CACHD1: variants seen among roughly 807,000 people sequenced by gnomAD.
The protein encoded by CACHD1 is VWFA and cache domain-containing protein 1.
A neutral mutation model predicts 138.7 loss-of-function variants in CACHD1; 71 were observed. The ratio of observed to expected loss-of-function variants is 0.51; its 90% CI spans 0.42 to 0.62. CACHD1 has a LOEUF of 0.62. Among genes scored for constraint, CACHD1 ranks in the 20% least tolerant of loss-of-function variants. The pLI is 0.00. For missense variants in CACHD1, 1,389 were observed against 1,625.3 expected (o/e 0.85, Z 2.50); for synonymous variants, 578 against 591.5 (o/e 0.98, Z 0.33).
chr1:64,547,547 A>G (rs1244824111), intron 1 of CACHD1, among the ~76,000 whole-genome samples: 1 of 152,084 alleles, frequency 6.6e-6, no homozygotes, highest in Non-Finnish European at 1.5e-5. Context: ...TTGTATTTTT[A>G]ATAGAAACGG....
intron 1 of CACHD1, among the ~76,000 whole-genome samples, chr1:64,542,148 T>C (rs746761574): frequency 2.0e-5 from 3 of 152,218 alleles, no homozygotes; most frequent in East Asian, 1.9e-4. Context: ...AAATGAGTTA[T>C]GTAAAGCACT....
chr1:64,642,229 G>A (rs965794186), intron 8 of CACHD1, among the ~76,000 whole-genome samples: 12 of 152,152 alleles, frequency 7.9e-5, no homozygotes, highest in African/African-American at 2.7e-4. Context: ...TTTATACAGC[G>A]TCCCCCTGCC....
At chr1:64,508,398 G>A (rs1646393466) in intron 1 of CACHD1, among the ~76,000 whole-genome samples, 1 of 152,192 alleles carries the variant, frequency 6.6e-6, no homozygotes, top group Non-Finnish European at 1.5e-5. Context: ...GTGTGAAGGT[G>A]GGTGAGAGCT....
At chr1:64,525,538 A>C (rs1646531885) in intron 1 of CACHD1, among the ~76,000 whole-genome samples, 1 of 152,188 alleles carries the variant, frequency 6.6e-6, no homozygotes, top group African/African-American at 2.4e-5. Context: ...CTGATGATCA[A>C]ATACAGTAAC....
chr1:64,567,409 C>T (rs1226976841), intron 2 of CACHD1, among the ~76,000 whole-genome samples: 1 of 151,994 alleles, frequency 6.6e-6, no homozygotes, highest in Non-Finnish European at 1.5e-5. Context: ...AGAATTAGTA[C>T]ACATATAAAT....
chr1:64,562,309 T>G (rs1014437772), intron 2 of CACHD1, among the ~76,000 whole-genome samples: 1 of 151,788 alleles, frequency 6.6e-6, no homozygotes, highest in Non-Finnish European at 1.5e-5. Flanking sequence ...TTTTGATATT[T>G]TACTACAAAT....
intron 1 of CACHD1, among the ~76,000 whole-genome samples, chr1:64,533,235 A>G (rs931850471): frequency 1.3e-5 from 2 of 152,240 alleles, no homozygotes; most frequent in African/African-American, 4.8e-5. Flanking sequence ...GCAGGCCTAT[A>G]GCCCCAGCTA....
At position 64,646,822 on chromosome 1, in the gene CACHD1, C is replaced by T. The variant is rs373963307; in HGVS notation, c.1157-979C>T. Among the ~76,000 whole-genome samples, 48 of 152,284 alleles carry T rather than the reference C, an allele frequency of 3.2e-4. No individual in the cohort carries two copies. The South Asian group carries it at 6.4e-3, about 20-fold the overall frequency. On this transcript the variant is annotated intron_variant, in intron 8 of 26. Coordinates refer to ENST00000651257, the MANE Select transcript of CACHD1 (RefSeq NM_020925.4). ...ACTTCCAGTGCTACAAGTATGTACA[C>T]TCTCTATGTAGAAATGCTAAAGACA... is the stretch of plus-strand genomic sequence containing the variant.
At position 64,492,170 on chromosome 1, in the gene CACHD1, C is replaced by T. The variant is rs921741542; in HGVS notation, c.198+21228C>T. 1.6e-4 allele frequency among the ~76,000 whole-genome samples: 24 copies of T among 151,020 alleles called. No homozygotes were observed. The East Asian group carries it at 4.6e-3, about 29-fold the overall frequency. The stretch of plus-strand genomic sequence containing the variant: ...AAAAGGTGAAGAAAAAAATTGTTTT[C>T]ATCTAGGTAGCATTATTCATTTGGG... On this transcript the variant is annotated intron_variant, in intron 1 of 26. Transcript: ENST00000651257.
intron 9 of CACHD1, 99 bp from the exon 10 acceptor site, chr1:64,652,062 A>T: frequency 9.5e-7 from 1 of 1,057,872 alleles, no homozygotes. Context: ...AAATTGAGAC[A>T]GCTGATAGAA....
At chr1:64,586,261 A>G (rs942624211) in intron 3 of CACHD1, among the ~76,000 whole-genome samples, 2 of 152,078 alleles carry the variant, frequency 1.3e-5, no homozygotes, top group Admixed American at 1.3e-4. Context: ...ATGGGGTTTC[A>G]CCATTTTGGC....
At chr1:64,573,200 C>T (rs905069937) in intron 2 of CACHD1, among the ~76,000 whole-genome samples, 5 of 152,010 alleles carry the variant, frequency 3.3e-5, no homozygotes, top group Admixed American at 1.3e-4. Flanking sequence ...TAGATGAGGC[C>T]GTGAGGGTGG....
chr1:64,613,610 A>T (rs1000663748), intron 4 of CACHD1: 5 of 152,178 alleles, frequency 3.3e-5, no homozygotes, highest in African/African-American at 1.2e-4. Flanking sequence ...ATTTTGTAGT[A>T]GTTGACATGT....
In CACHD1 at chr1:64,470,240, C is replaced by G. The variant is rs750161533; in HGVS notation, c.-505C>G. Among the ~76,000 whole-genome samples, 5 of 152,126 alleles carry G rather than the reference C, an allele frequency of 3.3e-5. No individual in the cohort carries two copies. Among genetic ancestry groups the G allele is most frequent in the Non-Finnish European group, 7.4e-5 (5 of 68,004 alleles). On this transcript the variant is annotated 5_prime_UTR_variant, in exon 1 of 27. Coordinates refer to ENST00000651257, the MANE Select transcript of CACHD1 (RefSeq NM_020925.4). This position sits in a 1 kb window ranked among gnomAD's most constrained non-coding sequence, Gnocchi z 5.2. ...TGTGGGTTTGTGAAGCCTCCCCTTT[C>G]CCTCCTCGCTCGGGTGGCTGCCCCA...
intron 1 of CACHD1, among the ~76,000 whole-genome samples, chr1:64,502,526 C>CTGTGTG (rs575452081): frequency 6.6e-6 from 1 of 152,006 alleles, no homozygotes; most frequent in Non-Finnish European, 1.5e-5. Flanking sequence ...TTCCCTCTCT[C>CTGTGTG]TGTGTGTGTA....
chr1:64,473,253 G>T (rs1646155992), intron 1 of CACHD1, among the ~76,000 whole-genome samples: 1 of 151,978 alleles, frequency 6.6e-6, no homozygotes, highest in Non-Finnish European at 1.5e-5. Flanking sequence ...GCTGTACATT[G>T]ATCTGCCACT....
intron 1 of CACHD1, among the ~76,000 whole-genome samples, chr1:64,479,190 G>A (rs1646195048): frequency 2.0e-5 from 3 of 152,178 alleles, no homozygotes. Context: ...AGAATGGATT[G>A]CTTTGAGATA....
intron 7 of CACHD1, among the ~76,000 whole-genome samples, chr1:64,639,555 AAG>A (rs1250393104): frequency 2.6e-5 from 4 of 152,236 alleles, no homozygotes; most frequent in African/African-American, 9.6e-5. Flanking sequence ...AGGAGTAAAT[AAG>A]AGGAATTTTG....
intron 2 of CACHD1, among the ~76,000 whole-genome samples, chr1:64,570,012 A>ACTC: frequency 6.6e-6 from 1 of 152,294 alleles, no homozygotes; most frequent in East Asian, 1.9e-4. Context: ...CCCCAGCCCT[A>ACTC]CCTGACTCCA....
Sources: allele counts gnomAD v4.1 joint callset (sites outside exome capture counted in the v4.1 genomes callset), GRCh38; gene constraint gnomAD v4.1.1; non-coding constraint Gnocchi (gnomAD v3.1); transcripts MANE v1.5; gene names NCBI Gene and HGNC (gene_info 2026-07-23, HGNC 2026-07-21).